Variants in CCBE1 observed in about 807,000 individuals in gnomAD.
The protein encoded by CCBE1 is collagen and calcium binding EGF domains 1.
In CCBE1, 37 loss-of-function variants were observed where a neutral mutation model predicts 50.0. The ratio of observed to expected loss-of-function variants is 0.74; its 90% confidence interval spans 0.57 to 0.97. The LOEUF is 0.97. CCBE1 is among the 50% of genes least tolerant of loss of function. The pLI, the probability that CCBE1 is intolerant of heterozygous loss-of-function variation, is 0.00. For missense variants in CCBE1, 538 were observed against 523.8 expected, an observed-to-expected ratio of 1.03 and a Z score of -0.26; for synonymous variants, 234 against 203.7, an observed-to-expected ratio of 1.15 and a Z score of -1.27.
intron 2 of CCBE1, among the ~76,000 whole-genome samples, chr18:59,652,872 G>A (rs1201833476): frequency 6.6e-6 from 1 of 152,098 alleles, no homozygotes; most frequent in African/African-American, 2.4e-5. Context: ...GCTGAGGCAG[G>A]AGAATGGTGT....
At chr18:59,599,341 T>C (rs962892817) in intron 2 of CCBE1, among the ~76,000 whole-genome samples, 1 of 152,180 alleles carries the variant, frequency 6.6e-6, no homozygotes, top group Non-Finnish European at 1.5e-5. Context: ...AGATAATATA[T>C]ATGCAAGCAC....
intron 2 of CCBE1, among the ~76,000 whole-genome samples, chr18:59,511,385 C>A (rs569724021): frequency 2.0e-4 from 31 of 152,314 alleles, no homozygotes; most frequent in African/African-American, 6.3e-4. Context: ...AAGGCCCTTG[C>A]CCACATCACA....
At chr18:59,649,126 C>G (rs1599099912) in intron 2 of CCBE1, among the ~76,000 whole-genome samples, 1 of 152,176 alleles carries the variant, frequency 6.6e-6, no homozygotes, top group Non-Finnish European at 1.5e-5. Context: ...CAGAAAGCAT[C>G]CCATGAAACC....
intron 2 of CCBE1, among the ~76,000 whole-genome samples, chr18:59,609,873 T>G (rs898526195): frequency 3.3e-5 from 5 of 152,248 alleles, no homozygotes; most frequent in African/African-American, 1.2e-4. Flanking sequence ...GGGATAATAT[T>G]CAATGTGATT....
chr18:59,660,746 TA>T (rs1428557655), intron 2 of CCBE1, among the ~76,000 whole-genome samples: 1 of 152,182 alleles, frequency 6.6e-6, no homozygotes, highest in Non-Finnish European at 1.5e-5. Context: ...AAATATGATA[TA>T]AAGTAATTCA....
chr18:59,654,472 A>G (rs1039174040), intron 2 of CCBE1, among the ~76,000 whole-genome samples: 2 of 151,974 alleles, frequency 1.3e-5, no homozygotes, highest in Non-Finnish European at 2.9e-5. Context: ...AAAAACACAA[A>G]TATTAGCTGG....
chr18:59,622,127 C>A (rs2053718422), intron 2 of CCBE1, among the ~76,000 whole-genome samples: 1 of 152,198 alleles, frequency 6.6e-6, no homozygotes, highest in Non-Finnish European at 1.5e-5. Context: ...ATTTTCTCTT[C>A]CATGGCCACC....
chr18:59,671,191 C>T (rs2054424646), intron 2 of CCBE1, among the ~76,000 whole-genome samples: 1 of 151,936 alleles, frequency 6.6e-6, no homozygotes, highest in African/African-American at 2.4e-5. Flanking sequence ...CATTTGAGTA[C>T]CCTACAATAA....
chr18:59,531,202 A>C lies in CCBE1; in HGVS notation c.213-50964T>G, dbSNP rs1257294638. On this transcript the variant is annotated intron_variant, in intron 2 of 10. Transcript: ENST00000439986. ...TCAGCTTGTTGGCCATGCGATTACC[A>C]AAACTGAATGAGAACTCCCAACATT... Among the ~76,000 whole-genome samples, 3 of 152,254 alleles carry C rather than the reference A, an allele frequency of 2.0e-5. No individual in the cohort carries two copies. In the East Asian group the frequency reaches 5.8e-4, roughly 29 times the overall value.
At chr18:59,637,863 A>T (rs780964717) in intron 2 of CCBE1, among the ~76,000 whole-genome samples, 8 of 152,188 alleles carry the variant, frequency 5.3e-5, no homozygotes, top group Non-Finnish European at 1.0e-4. Flanking sequence ...TTACAAAATA[A>T]AAACCAGGCC....
rs544072463 is a variant in CCBE1 at position 59,553,830 on chromosome 18, G to A, written c.213-73592C>T. On this transcript the variant is annotated intron_variant, in intron 2 of 10. Transcript: ENST00000439986. Reference sequence around the variant, plus strand: ...CACTATGGCGACCCGGAGGCCAGAGGAAGAGCAATCCTTTTAGTTCTGCAA... The same window carrying A: ...CACTATGGCGACCCGGAGGCCAGAGAAAGAGCAATCCTTTTAGTTCTGCAA... 3.9e-5 allele frequency among the ~76,000 whole-genome samples: 6 copies of A among 152,320 alleles called. No homozygotes were observed. In the East Asian group the frequency reaches 9.6e-4, roughly 24 times the overall value.
intron 2 of CCBE1, chr18:59,563,727 A>G (rs1257625886): frequency 6.6e-6 from 1 of 152,220 alleles, no homozygotes; most frequent in Non-Finnish European, 1.5e-5. Flanking sequence ...GTTCTTCCCA[A>G]CAAAGGAACT....
intron 2 of CCBE1, among the ~76,000 whole-genome samples, chr18:59,590,827 TTAGA>T (rs2053253963): frequency 6.6e-6 from 1 of 152,164 alleles, no homozygotes; most frequent in South Asian, 2.1e-4. Context: ...AAAGATAAAA[TTAGA>T]TACAGACTTC....
chr18:59,589,752 T>C (rs2043043), intron 2 of CCBE1, among the ~76,000 whole-genome samples: 14,045 of 136,156 alleles, frequency 0.1, 727 homozygotes, highest in East Asian at 0.14. Context: ...TGAGCCGAGA[T>C]TGCGCCACTG....
Position 59,497,550 on chromosome 18 carries a change from C to T in CCBE1, c.213-17312G>A, listed in dbSNP as rs557351704. On this transcript the variant is annotated intron_variant, in intron 2 of 10. Coordinates refer to ENST00000439986, the MANE Select transcript of CCBE1 (RefSeq NM_133459.4). The stretch of plus-strand genomic sequence containing the variant: ...GGATTTCACAGAATAGATAAGGCCA[C>T]TTAGGGCAGAGAGAAGGCCACAGAA... 5.3e-5 allele frequency among the ~76,000 whole-genome samples: 8 copies of T among 152,276 alleles called. No homozygotes were observed. In the South Asian group the frequency reaches 1.7e-3, roughly 32 times the overall value.
rs1191952595 is a variant in CCBE1, at chr18:59,623,666, A to G, written c.212+72963T>C. On this transcript the variant is annotated intron_variant, in intron 2 of 10. Coordinates refer to ENST00000439986, the MANE Select transcript of CCBE1 (RefSeq NM_133459.4). The stretch of plus-strand genomic sequence containing the variant: ...TGCTAGGAGACCCTTGCTACAGATC[A>G]GTACAAAAGCAAGGGGTTGGAGGGC... 2.0e-5 allele frequency among the ~76,000 whole-genome samples: 3 copies of G among 152,230 alleles called. No individual in the cohort carries two copies. The South Asian group carries it at 6.2e-4, about 31-fold the overall frequency.
Position 59,439,831 on chromosome 18 carries a change from C to T in CCBE1, c.776-15G>A, listed in dbSNP as rs760125629. 1 of 1,612,940 alleles carries T rather than the reference C, an allele frequency of 6.2e-7. No homozygotes were observed. Among genetic ancestry groups the T allele is most frequent in the South Asian group, 1.1e-5 (1 of 91,008 alleles). On this transcript the variant is annotated splice_polypyrimidine_tract_variant and intron_variant, in intron 7 of 10. Coordinates refer to ENST00000439986, the MANE Select transcript of CCBE1 (RefSeq NM_133459.4). ...TCCTGGTGAGCCTGTAATCAAAGAACACCTCATTAGCTCACAGCACATGAG... is the reference window on the plus strand; with the variant it reads ...TCCTGGTGAGCCTGTAATCAAAGAATACCTCATTAGCTCACAGCACATGAG...
At chr18:59,446,358 A>G (rs954870087) in intron 7 of CCBE1, among the ~76,000 whole-genome samples, 2 of 152,208 alleles carry the variant, frequency 1.3e-5, no homozygotes, top group Non-Finnish European at 2.9e-5. Flanking sequence ...GCATTCTCTT[A>G]GAGGAGGGTG....
At chr18:59,623,614 A>G (rs76926625) in intron 2 of CCBE1, among the ~76,000 whole-genome samples, 2,802 of 152,248 alleles carry the variant, frequency 0.018, 54 homozygotes, top group African/African-American at 0.063. Flanking sequence ...AGTTTCTTTC[A>G]AACTCTCACA....
Sources: allele counts gnomAD v4.1 joint callset (sites outside exome capture counted in the v4.1 genomes callset), GRCh38; gene constraint gnomAD v4.1.1; transcripts MANE v1.5; gene names NCBI Gene and HGNC (gene_info 2026-07-23, HGNC 2026-07-21).